MCPH1: variants seen among roughly 807,000 people sequenced by gnomAD.
The protein encoded by MCPH1 is microcephalin 1.
A neutral mutation model predicts 84.5 loss-of-function variants in MCPH1; 104 were observed. That is an observed-to-expected ratio of 1.23 (90% CI 1.05 to 1.45). The LOEUF is 1.45. Among genes scored for constraint, MCPH1 ranks in the 40% most tolerant of loss-of-function variants. The pLI is 0.00. For missense variants in MCPH1, 1,498 were observed against 1,005.7 expected (o/e 1.49, Z -6.62); for synonymous variants, 514 against 366.8 (o/e 1.40, Z -4.58).
intron 8 of MCPH1, among the ~76,000 whole-genome samples, chr8:6,448,732 A>G (rs1804720468): frequency 6.6e-6 from 1 of 152,210 alleles, no homozygotes; most frequent in Non-Finnish European, 1.5e-5. Context: ...CAAAAGCAGT[A>G]TGTCATATAT....
chr8:6,456,260 G>A (rs139767909), intron 9 of MCPH1, among the ~76,000 whole-genome samples: 93 of 152,298 alleles, frequency 6.1e-4, no homozygotes, highest in African/African-American at 2.0e-3. Context: ...TGTTTGTGGC[G>A]TGGGCAACAC....
intron 12 of MCPH1, among the ~76,000 whole-genome samples, chr8:6,538,153 C>G (rs1258534901): frequency 1.3e-5 from 2 of 151,834 alleles, no homozygotes; most frequent in Non-Finnish European, 2.9e-5. Context: ...CCAGCCCTTC[C>G]ATTTTTCTAG....
chr8:6,625,434 T>C (rs1831968177), intron 13 of MCPH1: 3 of 985,424 alleles, frequency 3.0e-6, no homozygotes, highest in Non-Finnish European at 3.6e-6. Context: ...AACAAATGCT[T>C]CTCTGGACAA....
intron 8 of MCPH1, chr8:6,446,450 C>G (rs755142515): frequency 4.1e-6 from 4 of 985,286 alleles, no homozygotes; most frequent in Non-Finnish European, 4.8e-6. Flanking sequence ...ATACCTTTTC[C>G]TTGAGTATAC....
intron 13 of MCPH1, among the ~76,000 whole-genome samples, chr8:6,631,395 A>T (rs148901205): frequency 6.6e-6 from 1 of 152,200 alleles, no homozygotes; most frequent in Non-Finnish European, 1.5e-5. Flanking sequence ...AAAGCAATCT[A>T]TGGAGTAGGA....
chr8:6,421,078 A>G (rs1302633238), intron 3 of MCPH1, among the ~76,000 whole-genome samples: 2 of 152,140 alleles, frequency 1.3e-5, no homozygotes, highest in Non-Finnish European at 2.9e-5. Flanking sequence ...GCCCGCATGC[A>G]CAGTGCGGGA....
chr8:6,633,564 T>C (rs1288147460), intron 13 of MCPH1, among the ~76,000 whole-genome samples: 3 of 152,158 alleles, frequency 2.0e-5, no homozygotes, highest in East Asian at 1.9e-4. Flanking sequence ...TGACAGGGCA[T>C]AGTCAAAGCA....
intron 8 of MCPH1, among the ~76,000 whole-genome samples, chr8:6,450,816 C>T (rs548525717): frequency 1.3e-5 from 2 of 152,230 alleles, no homozygotes; most frequent in Admixed American, 1.3e-4. Flanking sequence ...GATCGCAGCT[C>T]AATGCAGCCT....
chr8:6,429,386 C>T (rs1042294600), intron 3 of MCPH1, among the ~76,000 whole-genome samples: 2 of 152,248 alleles, frequency 1.3e-5, no homozygotes, highest in African/African-American at 4.8e-5. Context: ...CTTCCACCCT[C>T]TGCCCTCTGC....
chr8:6,415,569 G>T (rs1231999680), intron 3 of MCPH1, among the ~76,000 whole-genome samples: 1 of 151,998 alleles, frequency 6.6e-6, no homozygotes, highest in Non-Finnish European at 1.5e-5. Flanking sequence ...GGCCAGGCTG[G>T]TTTCAAACTT....
chr8:6,587,470 C>A (rs750202957), intron 12 of MCPH1, among the ~76,000 whole-genome samples: 2 of 152,094 alleles, frequency 1.3e-5, no homozygotes, highest in African/African-American at 2.4e-5. Context: ...TACAGTTTTG[C>A]GATCACCCCT....
intron 6 of MCPH1, among the ~76,000 whole-genome samples, chr8:6,439,622 C>T (rs1291760076): frequency 1.3e-5 from 2 of 151,980 alleles, no homozygotes; most frequent in Non-Finnish European, 2.9e-5. Context: ...GTCTTAAACT[C>T]TTAACCTCAG....
chr8:6,486,850 T>C (rs988672106), intron 11 of MCPH1, among the ~76,000 whole-genome samples: 1 of 152,224 alleles, frequency 6.6e-6, no homozygotes, highest in East Asian at 1.9e-4. Context: ...TATGTGTTGT[T>C]CAAGCATAGC....
intron 11 of MCPH1, among the ~76,000 whole-genome samples, chr8:6,497,801 T>C (rs964057496): frequency 6.6e-6 from 1 of 152,208 alleles, no homozygotes; most frequent in African/African-American, 2.4e-5. Context: ...AAAAAACTTG[T>C]GCTTTCTATA....
rs564015581 is a variant in MCPH1, at chr8:6,538,326, G to A, written c.2214+38397G>A. Among the ~76,000 whole-genome samples the A allele has an allele frequency of 2.0e-3, 304 of 152,174 alleles. 3 individuals carry two copies. The highest frequency in any genetic ancestry group is 7.1e-3 in the African/African-American group (294 of 41,520). On this transcript the variant is annotated intron_variant, in intron 12 of 13. Transcript: ENST00000344683. ...CCCATGATCCCATCTTCCCGCCCAG[G>A]GTCCACTGTCCTCTCTGTCTCTTGC...
At chr8:6,527,783 ATTAT>A (rs1391766495) in intron 12 of MCPH1, 2 of 1,056,894 alleles carry the variant, frequency 1.9e-6, no homozygotes, top group South Asian at 1.7e-5. Flanking sequence ...TAACAAAAAC[ATTAT>A]TTATTAACCC....
At chr8:6,595,022 T>C (rs1828813153) in intron 12 of MCPH1, among the ~76,000 whole-genome samples, 1 of 152,234 alleles carries the variant, frequency 6.6e-6, no homozygotes. Context: ...TAAGACTATA[T>C]AGTTGTCAAA....
intron 12 of MCPH1, among the ~76,000 whole-genome samples, chr8:6,553,978 C>T (rs9314604): frequency 0.11 from 16,122 of 151,904 alleles, 2,297 homozygotes; most frequent in African/African-American, 0.33. Flanking sequence ...CAGTTGGATA[C>T]TGTTAGTGAC....
intron 13 of MCPH1, among the ~76,000 whole-genome samples, chr8:6,639,045 G>A (rs993217032): frequency 1.3e-5 from 2 of 152,216 alleles, no homozygotes; most frequent in Non-Finnish European, 2.9e-5. Context: ...AGACTTTGTT[G>A]TGAGGTTACA....
Sources: allele counts gnomAD v4.1 joint callset (sites outside exome capture counted in the v4.1 genomes callset), GRCh38; gene constraint gnomAD v4.1.1; transcripts MANE v1.5; gene names NCBI Gene and HGNC (gene_info 2026-07-23, HGNC 2026-07-21).